ELAVL2: variants seen among roughly 807,000 people sequenced by gnomAD.
ELAVL2 encodes the protein ELAV like RNA binding protein 2, also known as ELAV-like protein 2.
In ELAVL2, 4 loss-of-function variants were observed where a neutral mutation model predicts 34.6. That is an observed-to-expected ratio of 0.12 (90% confidence interval 0.06 to 0.26). ELAVL2 has a LOEUF of 0.26. ELAVL2 is among the 10% of genes least tolerant of loss of function. ELAVL2 has a pLI of 1.00. For synonymous variants in ELAVL2, 193 were observed against 154.8 expected (o/e 1.25, Z -1.83); for missense variants, 432 against 442.8 (o/e 0.98, Z 0.22).
chr9:23,810,026 A>G (rs567370137), intron 1 of ELAVL2, among the ~76,000 whole-genome samples: 1 of 152,250 alleles, frequency 6.6e-6, no homozygotes, highest in Admixed American at 6.5e-5. Context: ...CCTGATTGGG[A>G]ACACATTTTT....
At chr9:23,752,938 A>C (rs139379928) in intron 2 of ELAVL2, among the ~76,000 whole-genome samples, 28 of 152,256 alleles carry the variant, frequency 1.8e-4, no homozygotes, top group Middle Eastern at 6.8e-3. Flanking sequence ...TTTAACTGCG[A>C]ATCTGTTTCT....
intron 5 of ELAVL2, among the ~76,000 whole-genome samples, chr9:23,696,756 C>T (rs1430568792): frequency 6.6e-6 from 1 of 152,124 alleles, no homozygotes; most frequent in Non-Finnish European, 1.5e-5. Context: ...AGGAGTGAGC[C>T]ACCACGCCCA....
chr9:23,799,851 A>G (rs1205119700), intron 1 of ELAVL2, among the ~76,000 whole-genome samples: 1 of 152,226 alleles, frequency 6.6e-6, no homozygotes, highest in Non-Finnish European at 1.5e-5. Context: ...AAAAATCTTA[A>G]GCCCTTTGTA....
chr9:23,737,271 T>C (rs185637343), intron 2 of ELAVL2, among the ~76,000 whole-genome samples: 17 of 152,316 alleles, frequency 1.1e-4, no homozygotes, highest in East Asian at 9.7e-4. Flanking sequence ...GTTTAGGAGA[T>C]AGTTGCCCTT....
At chr9:23,813,234 T>C (rs1319220914) in intron 1 of ELAVL2, among the ~76,000 whole-genome samples, 1 of 152,168 alleles carries the variant, frequency 6.6e-6, no homozygotes, top group Non-Finnish European at 1.5e-5. Flanking sequence ...GTGGAGCCTC[T>C]TTCTACTTCT....
Position 23,775,568 on chromosome 9 carries a change from C to G in ELAVL2, c.-15-13319G>C, listed in dbSNP as rs537169254. On this transcript the variant is annotated intron_variant, in intron 1 of 6. Transcript: ENST00000397312. ...TTTCTCCAATCCTTCCTCCATTCCA[C>G]GGCTGTGGGGATCTAACTAAAATAA... Among the ~76,000 whole-genome samples the G allele has an allele frequency of 9.2e-5, 14 of 152,236 alleles. No homozygotes were observed. The South Asian group carries it at 1.7e-3, about 18-fold the overall frequency.
chr9:23,704,812 C>T, intron 4 of ELAVL2, 106 bp downstream of exon 4: 2 of 1,427,960 alleles, frequency 1.4e-6, no homozygotes, highest in Non-Finnish European at 1.9e-6. Flanking sequence ...CCCACATATA[C>T]CTTTGATATG....
chr9:23,756,029 T>C (rs551135397), intron 2 of ELAVL2, among the ~76,000 whole-genome samples: 2 of 152,266 alleles, frequency 1.3e-5, no homozygotes, highest in East Asian at 3.9e-4. Flanking sequence ...TTCCCATTAG[T>C]CTAATAAAAT....
chr9:23,752,435 T>C (rs2052339531), intron 2 of ELAVL2, among the ~76,000 whole-genome samples: 1 of 151,954 alleles, frequency 6.6e-6, no homozygotes, highest in African/African-American at 2.4e-5. Flanking sequence ...CACAGGGGTT[T>C]AGTAAATCCT....
chr9:23,792,760 CT>C (rs1378203240), intron 1 of ELAVL2, among the ~76,000 whole-genome samples: 1 of 151,964 alleles, frequency 6.6e-6, no homozygotes, highest in African/African-American at 2.4e-5. Context: ...TATTTACTTC[CT>C]TTTTTCATAT....
chr9:23,839,684 A>G, the ELAVL2 span, among the ~76,000 whole-genome samples: 2 of 152,174 alleles, frequency 1.3e-5, no homozygotes. Flanking sequence ...CTTCTGTCTC[A>G]TATCTGAATC....
upstream of ELAVL2, among the ~76,000 whole-genome samples, chr9:23,827,225 T>A (rs2065347875): frequency 6.6e-6 from 1 of 152,210 alleles, no homozygotes; most frequent in Non-Finnish European, 1.5e-5. Flanking sequence ...GTTGAACCTT[T>A]ATCAGGGCTC....
intron 3 of ELAVL2, among the ~76,000 whole-genome samples, chr9:23,725,571 A>G (rs1014060201): frequency 6.6e-6 from 1 of 152,140 alleles, no homozygotes; most frequent in African/African-American, 2.4e-5. Context: ...GCATCTAAGA[A>G]TATTTCCTTC....
intron 2 of ELAVL2, among the ~76,000 whole-genome samples, chr9:23,748,053 TA>T (rs1192080662): frequency 6.6e-6 from 1 of 152,092 alleles, no homozygotes; most frequent in Admixed American, 6.6e-5. Context: ...TTCAGAAAGA[TA>T]TTTAAGTTTT....
intron 1 of ELAVL2, among the ~76,000 whole-genome samples, chr9:23,818,739 T>A (rs2064089110): frequency 1.3e-5 from 2 of 152,202 alleles, no homozygotes; most frequent in African/African-American, 4.8e-5. Context: ...TGTGATAGAT[T>A]TAATAAGACA....
the ELAVL2 span, among the ~76,000 whole-genome samples, chr9:23,842,428 G>A: frequency 2.0e-5 from 3 of 152,068 alleles, no homozygotes; most frequent in Admixed American, 2.0e-4. Flanking sequence ...TCTCCCTGTT[G>A]CAGAAAACCA....
chr9:23,810,183 T>G (rs895756478), intron 1 of ELAVL2, among the ~76,000 whole-genome samples: 1 of 152,122 alleles, frequency 6.6e-6, no homozygotes, highest in African/African-American at 2.4e-5. Context: ...ATTTCCTTGC[T>G]TACAGAAAAT....
At chr9:23,768,531 T>C (rs1280896424) in intron 1 of ELAVL2, among the ~76,000 whole-genome samples, 11 of 152,124 alleles carry the variant, frequency 7.2e-5, no homozygotes, top group African/African-American at 2.7e-4. Context: ...CTTGTTTTTC[T>C]ATCCCACCAA....
chr9:23,848,544 CTGTTGAACTACAGTAACTTCATG>C, the ELAVL2 span, among the ~76,000 whole-genome samples: 1 of 152,104 alleles, frequency 6.6e-6, no homozygotes, highest in African/African-American at 2.4e-5. Context: ...GTGGTAGTTA[CTGTTGAACTACAGTAACTTCATG>C]TAGAATAGGC....
Sources: gnomAD v4.1 joint callset for allele counts (sites outside exome capture counted in the v4.1 genomes callset) on GRCh38, gnomAD v4.1.1 for gene constraint, MANE v1.5 for transcripts, NCBI Gene and HGNC (gene_info 2026-07-23, HGNC 2026-07-21) for gene names.